CCDC171: variants seen among roughly 807,000 people sequenced by gnomAD.
CCDC171 encodes coiled-coil domain-containing protein 171.
Under a neutral mutation model 168.2 loss-of-function variants are expected in CCDC171, and 177 were observed. That is an observed-to-expected ratio of 1.05 (90% CI 0.93 to 1.19). The LOEUF (loss-of-function observed/expected upper bound fraction) is 1.19. Among genes scored for constraint, CCDC171 ranks in the 50% most tolerant of loss-of-function variants. CCDC171 has a pLI of 0.00. For synonymous variants in CCDC171, 687 were observed against 540.8 expected (o/e 1.27, Z -3.75); for missense variants, 1,991 against 1,539.0 (o/e 1.29, Z -4.91).
chr9:15,557,758 G>A (rs1366983491), intron 1 of CCDC171, among the ~76,000 whole-genome samples: 11 of 152,096 alleles, frequency 7.2e-5, no homozygotes, highest in Non-Finnish European at 1.5e-4. Flanking sequence ...GCCCTGGCCA[G>A]AAGTTCCAAC....
chr9:16,054,055 T>C (rs1833794820), intron 1 of CCDC171, among the ~76,000 whole-genome samples: 1 of 152,218 alleles, frequency 6.6e-6, no homozygotes, highest in South Asian at 2.1e-4. Flanking sequence ...TGAAACCATC[T>C]TTCCTTTTCT....
chr9:15,810,065 T>C (rs2059270718), intron 21 of CCDC171, among the ~76,000 whole-genome samples: 1 of 152,144 alleles, frequency 6.6e-6, no homozygotes, highest in Non-Finnish European at 1.5e-5. Context: ...GATTGGTGCA[T>C]CCACTAACCC....
rs997917895 is a variant in CCDC171, at chr9:15,815,761, T to C, written c.3268-30941T>C. Among the ~76,000 whole-genome samples the C allele has an allele frequency of 6.8e-5, 8 of 117,410 alleles. 3 individuals are homozygous for C. Among genetic ancestry groups the C allele is most frequent in the Non-Finnish European group, 1.5e-4 (8 of 52,212 alleles). The allele number at this position is 117,410 out of a possible 152,430, so 77.0% of individuals were successfully genotyped here. ...ATAATAATAATTAACATCTATGATATAACCCATTTTCATAAAGTAGGATTA... is the reference window on the plus strand; with the variant it reads ...ATAATAATAATTAACATCTATGATACAACCCATTTTCATAAAGTAGGATTA... On this transcript the variant is annotated intron_variant, in intron 21 of 25. Coordinates refer to ENST00000380701, the MANE Select transcript of CCDC171 (RefSeq NM_173550.4).
chr9:15,832,405 A>G (rs2060270867), intron 21 of CCDC171, among the ~76,000 whole-genome samples: 1 of 152,162 alleles, frequency 6.6e-6, no homozygotes, highest in Admixed American at 6.5e-5. Flanking sequence ...ACATCATATA[A>G]TGTACTTACA....
the CCDC171 span, among the ~76,000 whole-genome samples, chr9:16,095,983 C>A: frequency 6.0e-5 from 9 of 149,844 alleles, no homozygotes; most frequent in African/African-American, 2.0e-4. Context: ...TAAATATAAT[C>A]AAATTAGTTC....
intron 21 of CCDC171, among the ~76,000 whole-genome samples, chr9:15,807,335 A>G (rs1204246659): frequency 6.6e-6 from 1 of 152,174 alleles, no homozygotes; most frequent in Non-Finnish European, 1.5e-5. Context: ...TCTTGCCATG[A>G]CTTGTAATTT....
At chr9:16,099,117 C>A in the CCDC171 span, among the ~76,000 whole-genome samples, 6 of 152,152 alleles carry the variant, frequency 3.9e-5, no homozygotes, top group African/African-American at 9.7e-5. Flanking sequence ...ATGTGTAAGA[C>A]CCTGGGTTTG....
intron 23 of CCDC171, 119 bp downstream of exon 23, chr9:15,849,066 A>G (rs2061018853): frequency 1.8e-6 from 1 of 545,640 alleles, no homozygotes; most frequent in Non-Finnish European, 3.1e-6. Context: ...TAACAAAAAG[A>G]TGCTTTGTAG....
At chr9:15,743,138 C>CTTTTT (rs66642691) in intron 16 of CCDC171, among the ~76,000 whole-genome samples, 19 of 73,262 alleles carry the variant, frequency 2.6e-4, no homozygotes, top group African/African-American at 5.1e-4. Context: ...CTGTTACCTT[C>CTTTTT]TTTTTTTTTT....
Position 15,729,673 on chromosome 9 carries a change from C to G in CCDC171, c.1924C>G (p.Gln642Glu), listed in dbSNP as rs773070417. Residue 642 changes from glutamine to glutamate, a missense_variant, in exon 16 of 26, where the codon CAG (glutamine) becomes GAG (glutamate). Physicochemically the swap from Gln to Glu is conservative, Grantham distance 29. Coordinates refer to ENST00000380701, the MANE Select transcript of CCDC171 (RefSeq NM_173550.4). ...CACGATGAGAGAGCTTCAGCAGACTCAGGAAGACACCTTTACCAAAGTGGC... is the reference window on the plus strand; with the variant it reads ...CACGATGAGAGAGCTTCAGCAGACTGAGGAAGACACCTTTACCAAAGTGGC... The part of the protein sequence containing the change: ...SDTMRELQQT[Q>E]EDTFTKVAEQ... The G allele has an allele frequency of 5.6e-6, 9 of 1,613,278 alleles. No individual in the cohort carries two copies. Among genetic ancestry groups the G allele is most frequent in the South Asian group, 1.1e-5 (1 of 91,010 alleles).
chr9:15,758,834 G>T (rs979548121), intron 18 of CCDC171, among the ~76,000 whole-genome samples: 2 of 152,232 alleles, frequency 1.3e-5, no homozygotes, highest in Middle Eastern at 3.4e-3. Context: ...TTTCTCTCTT[G>T]CCACTGCCAT....
chr9:15,579,207 C>T (rs752742584), intron 4 of CCDC171, among the ~76,000 whole-genome samples, 184 bp downstream of exon 4: 3 of 152,156 alleles, frequency 2.0e-5, no homozygotes, highest in Non-Finnish European at 4.4e-5. Context: ...GAACATTTAT[C>T]TACTTTACAT....
intron 21 of CCDC171, among the ~76,000 whole-genome samples, chr9:15,810,771 C>T (rs985089473): frequency 2.0e-5 from 3 of 152,196 alleles, no homozygotes; most frequent in Admixed American, 6.5e-5. Context: ...CCCTGGTTCC[C>T]GCCTGCGCCT....
chr9:15,950,459 T>G (rs192635928), intron 25 of CCDC171, among the ~76,000 whole-genome samples: 159 of 152,084 alleles, frequency 1.0e-3, no homozygotes, highest in African/African-American at 3.6e-3. Flanking sequence ...AGAGAGTGGG[T>G]GCCAATATTC....
chr9:15,976,142 A>G (rs778138019), downstream of CCDC171, among the ~76,000 whole-genome samples: 1 of 152,210 alleles, frequency 6.6e-6, no homozygotes, highest in Non-Finnish European at 1.5e-5. Context: ...AAGAGAATAC[A>G]TTTGTGCTGC....
chr9:16,059,505 C>CTT (rs869212886), intron 1 of CCDC171, among the ~76,000 whole-genome samples: 112 of 101,414 alleles, frequency 1.1e-3, no homozygotes, highest in Non-Finnish European at 1.5e-3. Flanking sequence ...TTTTTTTTTT[C>CTT]TTTTTTTTTT....
At position 15,846,702 on chromosome 9, in the gene CCDC171, A is replaced by G. The variant is rs1156387919; in HGVS notation, c.3268A>G (p.Ser1090Gly). The stretch of plus-strand genomic sequence containing the variant: ...AACTCTGTTTTCTGTCTGCTTGCAG[A>G]GTCTCTCCGAGGCAAAGATGGAGCT... ...KNQTLGEAVK[S>G]LSEAKMELRR... The change falls in exon 22 of 26, where the codon AGT becomes GGT. Residue 1090 changes from serine to glycine, a missense_variant and splice_region_variant. Ser to Gly is a moderately conservative substitution (Grantham distance 56, BLOSUM62 0). Transcript: ENST00000380701. 1 of 1,612,562 alleles carries G rather than the reference A, an allele frequency of 6.2e-7. No individual in the cohort carries two copies. The highest frequency in any genetic ancestry group is 8.5e-7 in the Non-Finnish European group (1 of 1,179,148).
downstream of CCDC171, among the ~76,000 whole-genome samples, chr9:15,978,602 C>T (rs1385835093): frequency 2.0e-5 from 3 of 152,184 alleles, no homozygotes; most frequent in African/African-American, 7.2e-5. Context: ...CCCTGTATCA[C>T]TGTATGTCTA....
At chr9:16,084,643 T>A in the CCDC171 span, among the ~76,000 whole-genome samples, 3 of 152,168 alleles carry the variant, frequency 2.0e-5, no homozygotes, top group Non-Finnish European at 4.4e-5. Flanking sequence ...TCCTACTGCC[T>A]ATGTCCATCA....
Sources: allele counts gnomAD v4.1 joint callset (sites outside exome capture counted in the v4.1 genomes callset), GRCh38; gene constraint gnomAD v4.1.1; transcripts MANE v1.5; gene names NCBI Gene and HGNC (gene_info 2026-07-23, HGNC 2026-07-21).